MAGI3: variants seen among roughly 807,000 people sequenced by gnomAD.
MAGI3 encodes the protein membrane-associated guanylate kinase, WW and PDZ domain-containing protein 3.
In MAGI3, 43 loss-of-function variants were observed where a neutral mutation model predicts 121.8. The ratio of observed to expected loss-of-function variants is 0.35; its 90% confidence interval spans 0.28 to 0.46. The LOEUF (loss-of-function observed/expected upper bound fraction) is 0.46. Ranked by LOEUF, MAGI3 falls within the 20% of genes least tolerant of loss-of-function variation. The probability of loss-of-function intolerance (pLI) is 1.00; values close to 1 mark genes in which losing one functional copy is unlikely to be tolerated. For missense variants in MAGI3, 1,547 were observed against 1,797.3 expected (o/e 0.86, Z 2.52); for synonymous variants, 553 against 639.3 (o/e 0.86, Z 2.04).
intron 2 of MAGI3, among the ~76,000 whole-genome samples, chr1:113,575,688 G>A (rs1443478718): frequency 6.6e-6 from 1 of 152,204 alleles, no homozygotes; most frequent in African/African-American, 2.4e-5. Flanking sequence ...ACTTGAGGAG[G>A]CAGTCTGTCC....
intron 1 of MAGI3, among the ~76,000 whole-genome samples, chr1:113,514,937 A>G (rs1026529815): frequency 3.9e-5 from 6 of 152,090 alleles, no homozygotes; most frequent in Admixed American, 2.6e-4. Context: ...ATACTTCACT[A>G]AATTCTCACA....
chr1:113,430,754 T>C (rs1355188147), intron 1 of MAGI3, among the ~76,000 whole-genome samples: 1 of 152,208 alleles, frequency 6.6e-6, no homozygotes, highest in Non-Finnish European at 1.5e-5. Context: ...ACTTACTAAA[T>C]TCTTGTTCTA....
intron 1 of MAGI3, among the ~76,000 whole-genome samples, chr1:113,436,046 G>T (rs565045956): frequency 2.5e-4 from 28 of 111,282 alleles, no homozygotes; most frequent in African/African-American, 6.7e-4. Flanking sequence ...ATACAAACAT[G>T]TGCATCTTAG....
intron 1 of MAGI3, among the ~76,000 whole-genome samples, chr1:113,539,762 G>A (rs965673040): frequency 1.3e-5 from 2 of 150,702 alleles, no homozygotes; most frequent in African/African-American, 4.9e-5. Flanking sequence ...ATGAGCATTG[G>A]ACTGCATTGT....
Position 113,391,468 on chromosome 1 carries a change from G to T in MAGI3, c.316+119G>T. ...GTCCCGGGTAATCTTAGACCTCTAG[G>T]GTGTGCCAGACTCCTTGACGAGGGG... On this transcript the variant is annotated intron_variant, in intron 1 of 20. Coordinates refer to ENST00000307546, the MANE Select transcript of MAGI3 (RefSeq NM_001142782.2). This position sits in a 1 kb window ranked among gnomAD's most constrained non-coding sequence, Gnocchi z 4.4. 1.7e-6 allele frequency: 2 copies of T among 1,158,440 alleles called. No homozygotes were observed. Among genetic ancestry groups the T allele is most frequent in the East Asian group, 2.7e-5 (1 of 37,692 alleles). The allele number at this position is 1,158,440 out of a possible 1,614,324, so 71.8% of individuals were successfully genotyped here.
rs1030884330 is a variant in MAGI3 at position 113,594,470 on chromosome 1, T to G, written c.939-11T>G. 1 of 1,601,368 alleles carries G rather than the reference T, an allele frequency of 6.2e-7. No individual in the cohort carries two copies. The highest frequency in any genetic ancestry group is 8.5e-7 in the Non-Finnish European group (1 of 1,174,812). ...ATTTTACTGTTTCTAATTAAAATCT[T>G]TATTCTACAGCCACAATACCAAGAC... On this transcript the variant is annotated splice_polypyrimidine_tract_variant and intron_variant, in intron 5 of 20. Coordinates refer to ENST00000307546, the MANE Select transcript of MAGI3 (RefSeq NM_001142782.2).
At chr1:113,408,706 G>T (rs1025846962) in intron 1 of MAGI3, among the ~76,000 whole-genome samples, 1 of 151,954 alleles carries the variant, frequency 6.6e-6, no homozygotes, top group Non-Finnish European at 1.5e-5. Flanking sequence ...GTCATTCTCT[G>T]TTCTAAAATT....
intron 1 of MAGI3, among the ~76,000 whole-genome samples, chr1:113,406,527 AAAG>A (rs1226852309): frequency 1.3e-5 from 2 of 152,108 alleles, no homozygotes; most frequent in African/African-American, 4.8e-5. Flanking sequence ...ATGAAAAAAA[AAAG>A]AAAATAGATT....
intron 17 of MAGI3, 113 bp downstream of exon 17, chr1:113,671,949 A>C: frequency 1.1e-6 from 1 of 950,046 alleles, no homozygotes; most frequent in South Asian, 1.6e-5. Flanking sequence ...TGCAGATGCC[A>C]GCTGTTGAGG....
At chr1:113,544,739 A>C (rs1428757110) in intron 1 of MAGI3, among the ~76,000 whole-genome samples, 2 of 152,260 alleles carry the variant, frequency 1.3e-5, no homozygotes, top group Non-Finnish European at 2.9e-5. Flanking sequence ...AGCAAGAGCA[A>C]CAAGAGGGAA....
intron 3 of MAGI3, among the ~76,000 whole-genome samples, chr1:113,581,565 A>G (rs1648027014): frequency 6.6e-6 from 1 of 152,034 alleles, no homozygotes; most frequent in African/African-American, 2.4e-5. Flanking sequence ...CTGCATTCAC[A>G]ATACCCTTCT....
intron 1 of MAGI3, among the ~76,000 whole-genome samples, chr1:113,535,218 A>G (rs997879459): frequency 2.6e-5 from 4 of 152,090 alleles, no homozygotes; most frequent in African/African-American, 9.7e-5. Context: ...ATTTGCTCTA[A>G]TTCTTAAGCA....
chr1:113,589,605 G>C (rs538181375), intron 4 of MAGI3, among the ~76,000 whole-genome samples: 44 of 152,104 alleles, frequency 2.9e-4, no homozygotes, highest in Non-Finnish European at 4.9e-4. Context: ...GTAAATAGTA[G>C]GGCATGGTTA....
intron 15 of MAGI3, among the ~76,000 whole-genome samples, chr1:113,656,419 C>CTT (rs1171768187): frequency 7.7e-4 from 108 of 140,602 alleles, no homozygotes; most frequent in African/African-American, 2.6e-3. Context: ...TTTTCTTTTT[C>CTT]TTTTTTTTTT....
At chr1:113,570,936 T>C (rs1647261484) in intron 2 of MAGI3, among the ~76,000 whole-genome samples, 1 of 152,092 alleles carries the variant, frequency 6.6e-6, no homozygotes, top group African/African-American at 2.4e-5. Flanking sequence ...GTTGCTATTG[T>C]TTTTGGTGTT....
intron 9 of MAGI3, among the ~76,000 whole-genome samples, chr1:113,634,874 G>C (rs1024178373): frequency 6.6e-6 from 1 of 152,146 alleles, no homozygotes; most frequent in Non-Finnish European, 1.5e-5. Context: ...AGCATGGAAT[G>C]TTCTTCCATT....
At chr1:113,561,072 A>G (rs993893316) in intron 2 of MAGI3, among the ~76,000 whole-genome samples, 1 of 152,184 alleles carries the variant, frequency 6.6e-6, no homozygotes, top group Admixed American at 6.5e-5. Context: ...CCAGGAAGAA[A>G]TTGATTCCCT....
chr1:113,419,834 G>T (rs1652643838), intron 1 of MAGI3, among the ~76,000 whole-genome samples: 1 of 152,106 alleles, frequency 6.6e-6, no homozygotes, highest in Non-Finnish European at 1.5e-5. Flanking sequence ...AGGCGCTAGG[G>T]AAGAATCCAT....
rs954952552 is a variant in MAGI3 at position 113,680,709 on chromosome 1, G to A, written c.3190-489G>A. On this transcript the variant is annotated intron_variant, in intron 19 of 20. Coordinates refer to ENST00000307546, the MANE Select transcript of MAGI3 (RefSeq NM_001142782.2). ...GAGGCGGAGCTTGCAGTGAGCCGAG[G>A]TCTCGCCACTGCACTCCAGCCTGGG... 5.9e-5 allele frequency among the ~76,000 whole-genome samples: 9 copies of A among 151,842 alleles called. No individual in the cohort carries two copies. In the East Asian group the frequency reaches 7.8e-4, roughly 13 times the overall value.
Sources: allele counts gnomAD v4.1 joint callset (sites outside exome capture counted in the v4.1 genomes callset), GRCh38; gene constraint gnomAD v4.1.1; non-coding constraint Gnocchi (gnomAD v3.1); transcripts MANE v1.5; gene names NCBI Gene and HGNC (gene_info 2026-07-23, HGNC 2026-07-21).